The following ETV6 variants were observed in gnomAD, a reference collection of about 807,000 sequenced individuals.
ETV6 encodes ETS variant transcription factor 6.
In ETV6, 16 loss-of-function variants were observed where a neutral mutation model predicts 51.1. That is an observed-to-expected ratio of 0.31 (90% CI 0.21 to 0.48). The LOEUF is 0.48. ETV6 is among the 20% of genes least tolerant of loss of function. The pLI, the probability that ETV6 is intolerant of heterozygous loss-of-function variation, is 0.99. For missense variants in ETV6, 458 were observed against 594.8 expected, an observed-to-expected ratio of 0.77 and a Z score of 2.39; for synonymous variants, 240 against 224.1, an observed-to-expected ratio of 1.07 and a Z score of -0.64.
rs1316503906 is a variant in ETV6 at position 11,839,188 on chromosome 12, A to G, written c.212A>G (p.Lys71Arg). 1.2e-6 allele frequency: 2 copies of G among 1,614,134 alleles called. No homozygotes were observed. Among genetic ancestry groups the G allele is most frequent in the African/African-American group, 1.3e-5 (1 of 74,942 alleles). Residue 71 changes from lysine (K) to arginine (R), a missense_variant, in exon 3 of 8, where the codon AAG becomes AGG. Physicochemically the swap from Lys to Arg is conservative, Grantham distance 26 (BLOSUM62 2). Around this residue, in one of 4 missense-constraint regions of ETV6, gnomAD observed 26 missense variants for 52.1 expected, o/e 0.50. Coordinates refer to ENST00000396373, the MANE Select transcript of ETV6 (RefSeq NM_001987.5). ...AGGGATGACGTAGCCCAGTGGCTCAAGTGGGCTGAAAATGAGTTTTCTTTA... is the reference window on the plus strand; with the variant it reads ...AGGGATGACGTAGCCCAGTGGCTCAGGTGGGCTGAAAATGAGTTTTCTTTA... ...WSRDDVAQWLKWAENEFSLRP... is the reference protein window; with the variant it reads ...WSRDDVAQWLRWAENEFSLRP...
At position 11,893,605 on chromosome 12, in the gene ETV6, C is replaced by T; in HGVS notation, c.*2559C>T. 1 of 231,598 alleles carries T rather than the reference C, an allele frequency of 4.3e-6. No homozygotes were observed. 14.3% of individuals were successfully genotyped at this position (231,598 alleles called of 1,614,324 possible). On this transcript the variant is annotated 3_prime_UTR_variant, in exon 8 of 8. Transcript: ENST00000396373. ...CCAAACCTTCCTGAACGCTATGACA[C>T]CATGAGTGGAAAATTCCACACCTAA...
chr12:11,852,242 C>T (rs770469050), intron 3 of ETV6, among the ~76,000 whole-genome samples: 4 of 152,230 alleles, frequency 2.6e-5, no homozygotes, highest in Non-Finnish European at 4.4e-5. Context: ...CTCGTGGACA[C>T]TTCAAATACC....
chr12:11,656,252 G>A (rs977850143), intron 1 of ETV6, among the ~76,000 whole-genome samples: 3 of 152,310 alleles, frequency 2.0e-5, no homozygotes, highest in South Asian at 2.1e-4. Flanking sequence ...CTAAGACCTC[G>A]CAGGCTGTAA....
rs2136490746 is a variant in ETV6 at position 11,853,424 on chromosome 12, C to T, written c.329-3C>T. On this transcript the variant is annotated splice_polypyrimidine_tract_variant and splice_region_variant and intron_variant, in intron 3 of 7. Transcript: ENST00000396373. Reference sequence around the variant, plus strand: ...TCGATTTCCCTTTCCTTTTTCTTTCCAGGTGATGTGCTCTATGAACTCCTT... The same window carrying T: ...TCGATTTCCCTTTCCTTTTTCTTTCTAGGTGATGTGCTCTATGAACTCCTT... The T allele has an allele frequency of 1.2e-6, 2 of 1,613,352 alleles. No individual in the cohort carries two copies. The highest frequency in any genetic ancestry group is 1.7e-5 in the Admixed American group (1 of 59,712).
At chr12:11,838,968 C>T (rs1304753282) in intron 2 of ETV6, among the ~76,000 whole-genome samples, 172 bp from the exon 3 acceptor site, 2 of 152,234 alleles carry the variant, frequency 1.3e-5, no homozygotes, top group Non-Finnish European at 1.5e-5. Context: ...GAGAAGCCCC[C>T]AGTGGGGCGG....
chr12:11,895,168 C>T lies in ETV6; in HGVS notation c.*4122C>T, dbSNP rs1356145647. ...TGATTTCTCTTTGTGACCGCAACCA[C>T]CTGCAAACCAGAACGACTCTAGAAT... is the stretch of plus-strand genomic sequence containing the variant. On this transcript the variant is annotated 3_prime_UTR_variant, in exon 8 of 8. Transcript: ENST00000396373. The T allele has an allele frequency of 4.3e-6, 1 of 231,744 alleles. No homozygotes were observed. The highest frequency in any genetic ancestry group is 1.8e-4 in the South Asian group (1 of 5,504). 14.4% of individuals were successfully genotyped at this position (231,744 alleles called of 1,614,324 possible). A position where few individuals can be genotyped will look rare whatever the true frequency, so the allele number is the denominator to read the frequency against.
chr12:11,653,041 A>T (rs1191269858), intron 1 of ETV6, among the ~76,000 whole-genome samples: 1 of 151,518 alleles, frequency 6.6e-6, no homozygotes, highest in Non-Finnish European at 1.5e-5. Flanking sequence ...GTGCTCGAGC[A>T]CTCCTGGGGG....
chr12:11,767,537 TG>T (rs1945181155), intron 2 of ETV6, among the ~76,000 whole-genome samples: 2 of 152,226 alleles, frequency 1.3e-5, no homozygotes, highest in African/African-American at 4.8e-5. Context: ...ATATTGGACT[TG>T]GGGCCAGGAG....
At chr12:11,810,227 C>T (rs918795685) in intron 2 of ETV6, among the ~76,000 whole-genome samples, 2 of 152,076 alleles carry the variant, frequency 1.3e-5, no homozygotes, top group Admixed American at 1.3e-4. Flanking sequence ...TGAGAATATA[C>T]AGAGGGGTTG....
At chr12:11,829,158 A>C (rs552205778) in intron 2 of ETV6, among the ~76,000 whole-genome samples, 1 of 152,270 alleles carries the variant, frequency 6.6e-6, no homozygotes, top group East Asian at 1.9e-4. Context: ...CCTTCCAAGA[A>C]TGCTTGCTCC....
chr12:11,873,101 A>C (rs1444017093), intron 5 of ETV6, among the ~76,000 whole-genome samples: 1 of 152,192 alleles, frequency 6.6e-6, no homozygotes, highest in Non-Finnish European at 1.5e-5. Context: ...GCATATTCAA[A>C]AGTTTTTAAA....
chr12:11,700,868 G>GTGGACACAC (rs756961092), intron 1 of ETV6, among the ~76,000 whole-genome samples: 70 of 152,112 alleles, frequency 4.6e-4, no homozygotes, highest in Non-Finnish European at 8.7e-4. Flanking sequence ...TCACATATAA[G>GTGGACACAC]TGGACACACG....
chr12:11,890,880 C>G, intron 7 of ETV6, 61 bp from the exon 8 acceptor site: 1 of 1,266,428 alleles, frequency 7.9e-7, no homozygotes, highest in Non-Finnish European at 1.2e-6. Context: ...GGCTAGAGTT[C>G]AGAGTGAAGA....
At chr12:11,664,615 G>T (rs542569269) in intron 1 of ETV6, among the ~76,000 whole-genome samples, 1 of 152,086 alleles carries the variant, frequency 6.6e-6, no homozygotes, top group Admixed American at 6.5e-5. Context: ...TAAGGTTAGC[G>T]AACGGTGACC....
intron 1 of ETV6, among the ~76,000 whole-genome samples, chr12:11,653,762 C>T (rs1412997212): frequency 2.6e-5 from 4 of 152,084 alleles, no homozygotes; most frequent in African/African-American, 9.7e-5. Context: ...CTAGAGCACT[C>T]CTGGGGGGTC....
At chr12:11,687,507 A>G (rs960873975) in intron 1 of ETV6, among the ~76,000 whole-genome samples, 8 of 152,164 alleles carry the variant, frequency 5.3e-5, no homozygotes, top group African/African-American at 1.9e-4. Flanking sequence ...TTAATAAGAA[A>G]ATGAGTAGAC....
At chr12:11,803,001 T>C (rs1945773421) in intron 2 of ETV6, among the ~76,000 whole-genome samples, 1 of 152,230 alleles carries the variant, frequency 6.6e-6, no homozygotes. Flanking sequence ...CAAGAACGTC[T>C]TGTAAGTGCT....
At chr12:11,651,379 C>T (rs1472027353) in intron 1 of ETV6, among the ~76,000 whole-genome samples, 2 of 152,168 alleles carry the variant, frequency 1.3e-5, no homozygotes, top group Admixed American at 1.3e-4. Context: ...GTTCATCATA[C>T]GTGCTTACTA....
At chr12:11,728,119 C>G (rs1298695821) in intron 1 of ETV6, among the ~76,000 whole-genome samples, 1 of 152,228 alleles carries the variant, frequency 6.6e-6, no homozygotes, top group Admixed American at 6.5e-5. Context: ...CGCTCCCCGG[C>G]CTCCCCTTCT....
Sources: gnomAD v4.1 joint callset for allele counts (sites outside exome capture counted in the v4.1 genomes callset) on GRCh38, gnomAD v4.1.1 for gene constraint, gnomAD v4.1.1 regional missense constraint, MANE v1.5 for transcripts, NCBI Gene and HGNC (gene_info 2026-07-23, HGNC 2026-07-21) for gene names.